Variants in SCN1B observed in about 807,000 individuals in gnomAD.
SCN1B encodes sodium channel regulatory subunit beta-1.
Under a neutral mutation model 25.7 loss-of-function variants are expected in SCN1B, and 11 were observed. The ratio of observed to expected loss-of-function variants is 0.43; its 90% CI spans 0.27 to 0.71. The LOEUF (loss-of-function observed/expected upper bound fraction) is 0.71, where lower values mean the gene tolerates loss of function less well. Among genes scored for constraint, SCN1B ranks in the 30% least tolerant of loss-of-function variants. The pLI, the probability that SCN1B is intolerant of heterozygous loss-of-function variation, is 0.21. For missense variants in SCN1B, 224 were observed against 291.5 expected (o/e 0.77, Z 1.69); for synonymous variants, 119 against 117.5 (o/e 1.01, Z -0.08).
Position 35,030,640 on chromosome 19 carries a change from C to G in SCN1B, c.-181C>G, listed in dbSNP as rs1568347763. 6.0e-6 allele frequency: 1 copy of G among 165,908 alleles called. No homozygotes were observed. Among genetic ancestry groups the G allele is most frequent in the African/African-American group, 2.4e-5 (1 of 41,244 alleles). 10.3% of individuals were successfully genotyped at this position (165,908 alleles called of 1,614,324 possible). ...ACGCCGGGCCCCGGGGCTGGGCCCC[C>G]GGCGGTAACCGGAGCGGGGGGGCCG... On this transcript the variant is annotated 5_prime_UTR_variant, in exon 1 of 6. Transcript: ENST00000262631.
At chr19:35,039,028 A>G in intron 3 of SCN1B, 89 bp from the exon 4 acceptor site, 1 of 1,480,680 alleles carries the variant, frequency 6.8e-7, no homozygotes, top group Non-Finnish European at 9.4e-7. Context: ...AGGTTGAGCC[A>G]CTCATCCAAG....
intron 2 of SCN1B, among the ~76,000 whole-genome samples, chr19:35,033,060 T>G (rs2064224401): frequency 6.6e-6 from 1 of 152,188 alleles, no homozygotes; most frequent in South Asian, 2.1e-4. Flanking sequence ...GAACTGTTTT[T>G]TTTAACCTCC....
intron 3 of SCN1B, chr19:35,034,308 G>C (rs550906947): frequency 4.4e-5 from 35 of 794,644 alleles, no homozygotes; most frequent in Non-Finnish European, 6.4e-5. Context: ...CGGGGGAGCC[G>C]CGCTGGCCTG....
chr19:35,033,921 C>T (rs2064231935), intron 3 of SCN1B, 182 bp downstream of exon 3: 1 of 1,565,066 alleles, frequency 6.4e-7, no homozygotes, highest in Non-Finnish European at 8.7e-7. Flanking sequence ...CTCTGTTTCT[C>T]TCCAGCCCAC....
At chr19:35,039,299 C>T (rs907845794) in intron 4 of SCN1B, 41 bp downstream of exon 4, 1 of 1,606,538 alleles carries the variant, frequency 6.2e-7, no homozygotes, top group Non-Finnish European at 8.5e-7. Context: ...ACCCAGGGCA[C>T]CGTCACACTT....
intron 3 of SCN1B, chr19:35,034,071 C>A (rs760255530): frequency 6.4e-7 from 1 of 1,551,452 alleles, no homozygotes; most frequent in South Asian, 1.2e-5. Flanking sequence ...GGATAATAAT[C>A]CGATGTGTTT....
chr19:35,037,013 TC>T (rs1286186550), intron 3 of SCN1B: 2 of 152,180 alleles, frequency 1.3e-5, no homozygotes, highest in African/African-American at 4.8e-5. Flanking sequence ...CACCTTGGCC[TC>T]CCAGAGTGCT....
intron 4 of SCN1B, 168 bp downstream of exon 4, chr19:35,039,426 CA>C: frequency 9.5e-7 from 1 of 1,054,302 alleles, no homozygotes; most frequent in South Asian, 1.4e-5. Flanking sequence ...TAGGGGTCGT[CA>C]GACCCAGCCC....
intron 3 of SCN1B, 176 bp downstream of exon 3, chr19:35,033,915 G>T: frequency 6.4e-7 from 1 of 1,574,784 alleles, no homozygotes; most frequent in South Asian, 1.1e-5. Flanking sequence ...TCTGGCCTCT[G>T]TTTCTCTCCA....
At chr19:35,036,074 C>T (rs1056806196) in intron 3 of SCN1B, 1 of 150,850 alleles carries the variant, frequency 6.6e-6, no homozygotes, top group Non-Finnish European at 1.5e-5. Flanking sequence ...TGCTATGTTG[C>T]CCAGGATGGT....
At position 35,040,401 on chromosome 19, in the gene SCN1B, C is replaced by G. The variant is rs1176869848; in HGVS notation, c.*610C>G. 6.5e-6 allele frequency: 1 copy of G among 154,060 alleles called. No individual in the cohort carries two copies. Among genetic ancestry groups the G allele is most frequent in the African/African-American group, 2.4e-5 (1 of 41,484 alleles). The allele number at this position is 154,060 out of a possible 1,614,324, so 9.5% of individuals were successfully genotyped here. A position where few individuals can be genotyped will look rare whatever the true frequency, so the allele number is the denominator to read the frequency against. On this transcript the variant is annotated 3_prime_UTR_variant, in exon 6 of 6. Transcript: ENST00000262631. ...TAGAAAGGGGCCCATTCAGCCTCGT[C>G]TCTTTACAGAAGTAGTTTTGTTCAT...
chr19:35,039,234 C>G lies in SCN1B; in HGVS notation c.566C>G (p.Thr189Arg). 6.2e-7 allele frequency: 1 copy of G among 1,613,886 alleles called. No homozygotes were observed. The highest frequency in any genetic ancestry group is 8.5e-7 in the Non-Finnish European group (1 of 1,180,034). The change falls in exon 4 of 6, where the codon ACG becomes AGG. Residue 189 changes from threonine (T) to arginine (R), a missense_variant. Physicochemically the swap from Thr to Arg is moderately conservative, Grantham distance 71. Transcript: ENST00000262631. ...TGCTACAAGAAGATCGCTGCCGCCA[C>G]GGAGACTGCTGCACAGGAGAATGCG... Reference protein sequence around the residue: ...IYCYKKIAAATETAAQENASE... With the variant: ...IYCYKKIAAARETAAQENASE...
intron 3 of SCN1B, chr19:35,036,732 C>CTATTATTATTATTAT (rs145478893): frequency 1.7e-4 from 25 of 144,492 alleles, no homozygotes; most frequent in South Asian, 9.0e-4. Flanking sequence ...CATGCCCAGC[C>CTATTATTATTATTAT]TATTATTATT....
At chr19:35,033,871 G>A in intron 3 of SCN1B, 132 bp downstream of exon 3, 2 of 1,607,020 alleles carry the variant, frequency 1.2e-6, no homozygotes, top group African/African-American at 1.3e-5. Context: ...GCGGGCTGAG[G>A]GGGAGGGGAG....
chr19:35,032,756 C>A lies in SCN1B; in HGVS notation c.207+62C>A. ...GGTCCACGAGTGGGAGGCGGTGGGG[C>A]TGGATCTCAGGGAGGGGGCTTATTT... On this transcript the variant is annotated intron_variant, in intron 2 of 5. Transcript: ENST00000262631. This position sits in a 1 kb window ranked among gnomAD's most constrained non-coding sequence, Gnocchi z 4.3. 3 of 1,570,604 alleles carry A rather than the reference C, an allele frequency of 1.9e-6. No individual in the cohort carries two copies. The highest frequency in any genetic ancestry group is 2.2e-5 in the South Asian group (2 of 90,106).
chr19:35,030,959 C>A, intron 1 of SCN1B, 99 bp downstream of exon 1: 1 of 205,632 alleles, frequency 4.9e-6, no homozygotes, highest in South Asian at 1.7e-4. Context: ...GCGCGAGGGC[C>A]ACCCCCGGCC....
intron 1 of SCN1B, chr19:35,031,832 C>G (rs960641107): frequency 4.5e-5 from 7 of 154,508 alleles, no homozygotes; most frequent in Non-Finnish European, 8.6e-5. Flanking sequence ...TGCAAAAGCC[C>G]TGGGGCAGGA....
chr19:35,039,558 C>T (rs2064271718), intron 4 of SCN1B, 77 bp from the exon 5 acceptor site: 2 of 1,458,284 alleles, frequency 1.4e-6, no homozygotes, highest in East Asian at 2.3e-5. Flanking sequence ...GGGTGGAGAC[C>T]GCTACCTTCC....
At chr19:35,037,759 A>T (rs2151748156) in intron 3 of SCN1B, 1 of 150,558 alleles carries the variant, frequency 6.6e-6, no homozygotes, top group South Asian at 2.1e-4. Flanking sequence ...CAGCCTGGGC[A>T]ACACAGCGAG....
Sources: gnomAD v4.1 joint callset for allele counts (sites outside exome capture counted in the v4.1 genomes callset) on GRCh38, gnomAD v4.1.1 for gene constraint, Gnocchi (gnomAD v3.1) non-coding constraint, MANE v1.5 for transcripts, NCBI Gene and HGNC (gene_info 2026-07-23, HGNC 2026-07-21) for gene names.